CNGB3: variants seen among roughly 807,000 people sequenced by gnomAD.
CNGB3 encodes cyclic nucleotide gated channel subunit beta 3.
In CNGB3, 86 loss-of-function variants were observed where a neutral mutation model predicts 92.8. That is an observed-to-expected ratio of 0.93 (90% confidence interval 0.78 to 1.11). The LOEUF is 1.11. Among genes scored for constraint, CNGB3 ranks in the 50% least tolerant of loss-of-function variants. The pLI, the probability that CNGB3 is intolerant of heterozygous loss-of-function variation, is 0.00. For synonymous variants in CNGB3, 333 were observed against 332.7 expected, an observed-to-expected ratio of 1.00 and a Z score of -0.01; for missense variants, 1,026 against 956.8, an observed-to-expected ratio of 1.07 and a Z score of -0.95.
intron 2 of CNGB3, among the ~76,000 whole-genome samples, chr8:86,727,076 A>G (rs1170529923): frequency 2.0e-5 from 3 of 152,192 alleles, no homozygotes; most frequent in Non-Finnish European, 4.4e-5. Flanking sequence ...TTCTAACACA[A>G]TGGTCAGTCT....
intron 3 of CNGB3, among the ~76,000 whole-genome samples, chr8:86,674,674 C>T (rs1401715524): frequency 6.6e-6 from 1 of 152,094 alleles, no homozygotes; most frequent in Non-Finnish European, 1.5e-5. Context: ...TTTATATTAC[C>T]AATTTTATGC....
At chr8:86,620,083 T>C (rs1246092143) in intron 13 of CNGB3, among the ~76,000 whole-genome samples, 1 of 152,030 alleles carries the variant, frequency 6.6e-6, no homozygotes, top group Non-Finnish European at 1.5e-5. Context: ...GTGATCCGGA[T>C]AGGGTTGGTA....
At chr8:86,637,046 G>A (rs781653194) in intron 10 of CNGB3, among the ~76,000 whole-genome samples, 3 of 152,142 alleles carry the variant, frequency 2.0e-5, no homozygotes, top group Non-Finnish European at 2.9e-5. Flanking sequence ...TGGCTATTGC[G>A]AATAATGCTG....
At chr8:86,604,429 C>G (rs913982881) in intron 14 of CNGB3, among the ~76,000 whole-genome samples, 2 of 152,140 alleles carry the variant, frequency 1.3e-5, no homozygotes, top group African/African-American at 2.4e-5. Flanking sequence ...CTTCTCAACA[C>G]GTGAGTACTG....
chr8:86,653,947 G>T, intron 7 of CNGB3, 65 bp downstream of exon 7: 2 of 1,055,594 alleles, frequency 1.9e-6, no homozygotes, highest in Non-Finnish European at 3.0e-6. Flanking sequence ...GAAATCTATA[G>T]ATGGGATTTA....
intron 2 of CNGB3, among the ~76,000 whole-genome samples, chr8:86,732,278 A>T (rs1825170317): frequency 6.6e-6 from 1 of 152,172 alleles, no homozygotes; most frequent in Non-Finnish European, 1.5e-5. Context: ...GTTACCCATC[A>T]CACACATGCT....
intron 10 of CNGB3, among the ~76,000 whole-genome samples, chr8:86,642,246 G>C (rs1264529848): frequency 6.6e-6 from 1 of 151,584 alleles, no homozygotes; most frequent in Admixed American, 6.6e-5. Flanking sequence ...ACAGCTATCA[G>C]CCACAGTCAT....
intron 11 of CNGB3, among the ~76,000 whole-genome samples, chr8:86,632,263 T>C (rs1822977791): frequency 6.6e-6 from 1 of 151,130 alleles, no homozygotes; most frequent in Non-Finnish European, 1.5e-5. Context: ...AATATAATAA[T>C]TTATGTATTT....
intron 6 of CNGB3, among the ~76,000 whole-genome samples, chr8:86,662,746 G>T (rs1243297520): frequency 1.3e-5 from 2 of 152,140 alleles, no homozygotes; most frequent in Non-Finnish European, 2.9e-5. Flanking sequence ...CTAGCAGGGG[G>T]CTCTGACCTT....
chr8:86,729,251 C>T (rs182209390), intron 2 of CNGB3, among the ~76,000 whole-genome samples: 8 of 152,264 alleles, frequency 5.3e-5, no homozygotes, highest in Admixed American at 4.6e-4. Flanking sequence ...TATACCTCCT[C>T]CATCTCTCAT....
chr8:86,580,203 G>A lies in CNGB3; in HGVS notation c.1782-951C>T, dbSNP rs1020057352. Among the ~76,000 whole-genome samples, 65 of 149,434 alleles carry A rather than the reference G, an allele frequency of 4.3e-4. 2 individuals are homozygous for A. Among genetic ancestry groups the A allele is most frequent in the African/African-American group, 1.6e-3 (64 of 40,006 alleles). On this transcript the variant is annotated intron_variant, in intron 15 of 17. Coordinates refer to ENST00000320005, the MANE Select transcript of CNGB3 (RefSeq NM_019098.5). ...ACGAGAATAGCACGGGGGGGGTGGC[G>A]GGGGGAACTGCCCTCATGATCCAGT...
intron 2 of CNGB3, among the ~76,000 whole-genome samples, chr8:86,732,442 T>A (rs6988548): frequency 6.6e-6 from 1 of 152,048 alleles, no homozygotes; most frequent in Non-Finnish European, 1.5e-5. Context: ...TAAATGGAAA[T>A]GAGAGCAGTC....
intron 11 of CNGB3, among the ~76,000 whole-genome samples, chr8:86,630,248 A>G (rs1388059560): frequency 1.3e-5 from 2 of 152,114 alleles, no homozygotes; most frequent in African/African-American, 4.8e-5. Flanking sequence ...TTCTTGGCTG[A>G]TAACTTACAT....
At chr8:86,651,183 A>G (rs538416617) in intron 7 of CNGB3, among the ~76,000 whole-genome samples, 2 of 151,394 alleles carry the variant, frequency 1.3e-5, no homozygotes, top group East Asian at 3.9e-4. Flanking sequence ...GGGTGGGACA[A>G]AAAAACTGCA....
intron 3 of CNGB3, among the ~76,000 whole-genome samples, chr8:86,700,452 G>GTA (rs1232439563): frequency 6.6e-6 from 1 of 152,096 alleles, no homozygotes; most frequent in Non-Finnish European, 1.5e-5. Flanking sequence ...TTTTCTTAGA[G>GTA]TAAGACTACT....
intron 3 of CNGB3, among the ~76,000 whole-genome samples, chr8:86,694,081 C>A (rs1361179534): frequency 1.6e-5 from 1 of 62,606 alleles, no homozygotes; most frequent in Non-Finnish European, 3.8e-5. Flanking sequence ...GGGGGGCTGA[C>A]CCCCCCACCT....
At chr8:86,687,479 A>C (rs781051060) in intron 3 of CNGB3, among the ~76,000 whole-genome samples, 1 of 152,080 alleles carries the variant, frequency 6.6e-6, no homozygotes, top group East Asian at 1.9e-4. Context: ...GATAACGAGA[A>C]CAGACAAGTT....
At chr8:86,707,353 CAAAGT>C in intron 3 of CNGB3, among the ~76,000 whole-genome samples, 1 of 152,008 alleles carries the variant, frequency 6.6e-6, no homozygotes, top group East Asian at 1.9e-4. Context: ...TGAAGGAAAA[CAAAGT>C]AAGGAAGACA....
intron 11 of CNGB3, among the ~76,000 whole-genome samples, chr8:86,632,282 A>G (rs117244050): frequency 0.024 from 3,695 of 151,810 alleles, 70 homozygotes; most frequent in Non-Finnish European, 0.033. Context: ...TTAATTTCTT[A>G]CTAGACTGAC....
Sources: allele counts gnomAD v4.1 joint callset (sites outside exome capture counted in the v4.1 genomes callset), GRCh38; gene constraint gnomAD v4.1.1; transcripts MANE v1.5; gene names NCBI Gene and HGNC (gene_info 2026-07-23, HGNC 2026-07-21).